Variants in PIAS2 observed in about 807,000 individuals in gnomAD.
PIAS2 encodes the protein protein inhibitor of activated STAT 2.
PIAS2 carries 19 observed loss-of-function variants against 69.7 expected under a neutral mutation model. The ratio of observed to expected loss-of-function variants is 0.27; its 90% CI spans 0.19 to 0.40. The LOEUF (loss-of-function observed/expected upper bound fraction) is 0.40. Among genes scored for constraint, PIAS2 ranks in the 10% least tolerant of loss-of-function variants. The pLI, the probability that PIAS2 is intolerant of heterozygous loss-of-function variation, is 1.00. For missense variants in PIAS2, 624 were observed against 757.0 expected (o/e 0.82, Z 2.06); for synonymous variants, 261 against 263.2 (o/e 0.99, Z 0.08).
intron 11 of PIAS2, among the ~76,000 whole-genome samples, chr18:46,826,095 C>T (rs894836707): frequency 5.3e-5 from 8 of 152,190 alleles, no homozygotes; most frequent in African/African-American, 1.2e-4. Context: ...TAGGTAGCTG[C>T]GCTTTATACA....
intron 5 of PIAS2, chr18:46,853,582 G>A (rs964549245): frequency 6.6e-6 from 1 of 152,306 alleles, no homozygotes; most frequent in Admixed American, 6.5e-5. Flanking sequence ...ACGAGGTCAG[G>A]AGTTCGAGAC....
chr18:46,843,946 G>T (rs937430553), intron 8 of PIAS2, 108 bp downstream of exon 8: 12 of 620,246 alleles, frequency 1.9e-5, no homozygotes, highest in Non-Finnish European at 3.1e-5. Context: ...AAAGACAAAA[G>T]TTCAGCATTC....
intron 3 of PIAS2, among the ~76,000 whole-genome samples, chr18:46,857,581 T>C (rs2048024506): frequency 6.6e-6 from 1 of 151,782 alleles, no homozygotes; most frequent in Non-Finnish European, 1.5e-5. Context: ...GAGATACAGA[T>C]CAGAAACTTG....
intron 1 of PIAS2, among the ~76,000 whole-genome samples, chr18:46,912,958 T>C (rs1335531264): frequency 6.6e-6 from 1 of 152,236 alleles, no homozygotes; most frequent in Non-Finnish European, 1.5e-5. Flanking sequence ...ATGCTGAGAT[T>C]ACAGCCTTGA....
chr18:46,862,867 G>A (rs554454040), intron 3 of PIAS2, among the ~76,000 whole-genome samples: 54 of 151,964 alleles, frequency 3.6e-4, no homozygotes, highest in African/African-American at 1.2e-3. Context: ...CACCATGCTC[G>A]GCTAATTTGT....
intron 2 of PIAS2, among the ~76,000 whole-genome samples, chr18:46,876,442 A>G (rs1249553854): frequency 2.0e-5 from 3 of 152,188 alleles, no homozygotes; most frequent in African/African-American, 7.2e-5. Flanking sequence ...TTTGTTAACT[A>G]TATTAGAGAT....
upstream of PIAS2, chr18:46,917,615 A>G: frequency 2.1e-6 from 2 of 963,072 alleles, no homozygotes; most frequent in African/African-American, 1.8e-5. Context: ...CCGCGCGGCG[A>G]CAGCGCCCGC....
In PIAS2 at chr18:46,811,133, T is replaced by A. The variant is rs566509150; in HGVS notation, c.*1300A>T. 1 of 152,120 alleles carries A rather than the reference T, an allele frequency of 6.6e-6. No individual in the cohort carries two copies. Among genetic ancestry groups the A allele is most frequent in the Non-Finnish European group, 1.5e-5 (1 of 68,014 alleles). The allele number at this position is 152,120 out of a possible 1,614,324, so 9.4% of individuals were successfully genotyped here. A position where few individuals can be genotyped will look rare whatever the true frequency, so the allele number is the denominator to read the frequency against. On this transcript the variant is annotated 3_prime_UTR_variant, in exon 14 of 14. Transcript: ENST00000585916. ...AAACCTCAGAGGTTCCCTGGAGTGT[T>A]TGGGGTAGCATGGATTGAGACAGGA...
chr18:46,891,846 T>C (rs1203614489), intron 1 of PIAS2, among the ~76,000 whole-genome samples: 3 of 152,156 alleles, frequency 2.0e-5, no homozygotes, highest in Non-Finnish European at 4.4e-5. Flanking sequence ...CTTCTATTTT[T>C]TCAGCAAAAC....
At chr18:46,904,982 C>A (rs1169972853) in intron 1 of PIAS2, among the ~76,000 whole-genome samples, 2 of 152,102 alleles carry the variant, frequency 1.3e-5, no homozygotes, top group African/African-American at 4.8e-5. Context: ...TAACTCTGCT[C>A]TCTTAATAAA....
chr18:46,835,156 T>C (rs1193530190), intron 9 of PIAS2, among the ~76,000 whole-genome samples: 2 of 152,152 alleles, frequency 1.3e-5, no homozygotes, highest in Non-Finnish European at 2.9e-5. Flanking sequence ...AAAAGAATTC[T>C]AAAAATGGTA....
chr18:46,873,497 G>A (rs2050689849), intron 2 of PIAS2, among the ~76,000 whole-genome samples: 2 of 152,176 alleles, frequency 1.3e-5, no homozygotes, highest in South Asian at 4.1e-4. Context: ...CAGAAGTAGA[G>A]TCAGGAAGAT....
intron 6 of PIAS2, chr18:46,846,479 G>T (rs2046178766): frequency 5.8e-6 from 2 of 344,746 alleles, no homozygotes; most frequent in Non-Finnish European, 1.0e-5. Context: ...ATATAAATAT[G>T]CATATTTCCT....
At chr18:46,883,882 T>A (rs1432451406) in intron 2 of PIAS2, among the ~76,000 whole-genome samples, 1 of 152,132 alleles carries the variant, frequency 6.6e-6, no homozygotes. Context: ...GGTATACACC[T>A]GTGGGTCCCA....
chr18:46,831,083 G>C (rs565417301), intron 9 of PIAS2, among the ~76,000 whole-genome samples: 3 of 152,114 alleles, frequency 2.0e-5, no homozygotes, highest in East Asian at 3.9e-4. Context: ...AAAACAAAAG[G>C]CATCCACGTT....
At chr18:46,845,073 G>A (rs2145244768) in intron 6 of PIAS2, 2 of 284,022 alleles carry the variant, frequency 7.0e-6, no homozygotes, top group East Asian at 6.2e-5. Flanking sequence ...ACATTCGCTG[G>A]TATGGGAATA....
intron 1 of PIAS2, among the ~76,000 whole-genome samples, chr18:46,899,349 A>G (rs1323307669): frequency 2.6e-5 from 4 of 152,228 alleles, no homozygotes; most frequent in African/African-American, 9.6e-5. Context: ...CCTGAGGAAA[A>G]GCATTCCAAG....
chr18:46,914,647 A>AT (rs2057620679), intron 1 of PIAS2, among the ~76,000 whole-genome samples: 1 of 151,016 alleles, frequency 6.6e-6, no homozygotes, highest in South Asian at 2.1e-4. Context: ...CTTTCCCAAA[A>AT]TTCCCTATCT....
At chr18:46,887,036 G>A (rs1012838252) in intron 2 of PIAS2, among the ~76,000 whole-genome samples, 1 of 152,148 alleles carries the variant, frequency 6.6e-6, no homozygotes, top group Middle Eastern at 3.4e-3. Flanking sequence ...AATTTAAACT[G>A]GCACTAAAAT....
Sources: allele counts gnomAD v4.1 joint callset (sites outside exome capture counted in the v4.1 genomes callset), GRCh38; gene constraint gnomAD v4.1.1; transcripts MANE v1.5; gene names NCBI Gene and HGNC (gene_info 2026-07-23, HGNC 2026-07-21).